The following CNTNAP2 variants were observed in gnomAD, a reference collection of about 807,000 sequenced individuals.
The protein encoded by CNTNAP2 is contactin-associated protein-like 2.
A neutral mutation model predicts 155.2 loss-of-function variants in CNTNAP2; 98 were observed. The ratio of observed to expected loss-of-function variants is 0.63; its 90% confidence interval spans 0.54 to 0.75. The LOEUF is 0.75. Ranked by LOEUF, CNTNAP2 falls within the 30% of genes least tolerant of loss-of-function variation. The pLI, the probability that CNTNAP2 is intolerant of heterozygous loss-of-function variation, is 0.00. For missense variants in CNTNAP2, 1,727 were observed against 1,688.1 expected (o/e 1.02, Z -0.40); for synonymous variants, 651 against 631.2 (o/e 1.03, Z -0.47).
intron 3 of CNTNAP2, among the ~76,000 whole-genome samples, chr7:147,005,663 A>G (rs546859881): frequency 1.3e-5 from 2 of 152,212 alleles, no homozygotes; most frequent in South Asian, 2.1e-4. Flanking sequence ...GATAAATTCT[A>G]TTATGCAGAC....
At chr7:146,461,553 A>T (rs1434908523) in intron 1 of CNTNAP2, among the ~76,000 whole-genome samples, 1 of 152,234 alleles carries the variant, frequency 6.6e-6, no homozygotes, top group Non-Finnish European at 1.5e-5. Flanking sequence ...AATAAATGTG[A>T]TTCTCACAGA....
intron 1 of CNTNAP2, among the ~76,000 whole-genome samples, chr7:146,166,970 A>AAGC (rs966392530): frequency 1.3e-5 from 2 of 152,226 alleles, no homozygotes; most frequent in African/African-American, 4.8e-5. Flanking sequence ...ACATGGAATG[A>AAGC]AGCAGGCTTC....
intron 14 of CNTNAP2, among the ~76,000 whole-genome samples, chr7:147,925,206 G>A (rs142944507): frequency 0.014 from 1,689 of 122,164 alleles, 33 homozygotes; most frequent in African/African-American, 0.045. Context: ...AAGGAAGGAA[G>A]GAAAGAAGGA....
intron 1 of CNTNAP2, among the ~76,000 whole-genome samples, chr7:146,237,821 G>C (rs1288202660): frequency 6.6e-6 from 1 of 150,624 alleles, no homozygotes. Flanking sequence ...AGTAACCCTT[G>C]TTACTAGTTT....
intron 13 of CNTNAP2, among the ~76,000 whole-genome samples, chr7:147,827,328 T>C (rs976115858): frequency 6.6e-6 from 1 of 152,192 alleles, no homozygotes; most frequent in African/African-American, 2.4e-5. Flanking sequence ...TGTGGCTTCA[T>C]GGCCTTGCAA....
intron 13 of CNTNAP2, among the ~76,000 whole-genome samples, chr7:147,740,142 A>G (rs1399830517): frequency 6.6e-6 from 1 of 152,224 alleles, no homozygotes; most frequent in Non-Finnish European, 1.5e-5. Context: ...AGAGAAATAC[A>G]TTAATTAGGT....
At chr7:147,498,392 C>T (rs993448332) in intron 11 of CNTNAP2, among the ~76,000 whole-genome samples, 38 of 152,176 alleles carry the variant, frequency 2.5e-4, no homozygotes, top group African/African-American at 7.5e-4. Context: ...TAAAATGTAC[C>T]ATCAACTCTG....
intron 8 of CNTNAP2, among the ~76,000 whole-genome samples, chr7:147,198,797 T>C (rs1206283829): frequency 3.3e-5 from 5 of 152,132 alleles, no homozygotes; most frequent in African/African-American, 1.2e-4. Flanking sequence ...TATAAATTCA[T>C]TGAAATGTCT....
intron 12 of CNTNAP2, among the ~76,000 whole-genome samples, chr7:147,604,402 T>C (rs1801021850): frequency 6.6e-6 from 1 of 152,200 alleles, no homozygotes; most frequent in African/African-American, 2.4e-5. Flanking sequence ...TTGCAATTGT[T>C]ACTCTTATTC....
chr7:147,478,508 A>G (rs367710492), intron 10 of CNTNAP2, among the ~76,000 whole-genome samples: 129 of 152,240 alleles, frequency 8.5e-4, no homozygotes, highest in African/African-American at 3.1e-3. Context: ...ATCCAGAATT[A>G]TATTTCTCTG....
chr7:147,794,758 A>C (rs1239639518), intron 13 of CNTNAP2, among the ~76,000 whole-genome samples: 1 of 150,840 alleles, frequency 6.6e-6, no homozygotes, highest in Non-Finnish European at 1.5e-5. Flanking sequence ...AAAAACAATT[A>C]ATTCAATCTT....
chr7:147,677,792 T>C (rs763293543), intron 13 of CNTNAP2, among the ~76,000 whole-genome samples: 59 of 151,806 alleles, frequency 3.9e-4, no homozygotes, highest in Non-Finnish European at 7.7e-4. Context: ...CTCCATGGTG[T>C]GTTCATAGTA....
At chr7:146,691,287 C>T (rs1007434064) in intron 1 of CNTNAP2, among the ~76,000 whole-genome samples, 1 of 151,504 alleles carries the variant, frequency 6.6e-6, no homozygotes, top group Admixed American at 6.6e-5. Context: ...AGATGCTCCT[C>T]GATTTACAAT....
chr7:146,158,473 G>A (rs749929375), intron 1 of CNTNAP2, among the ~76,000 whole-genome samples: 1 of 152,134 alleles, frequency 6.6e-6, no homozygotes, highest in East Asian at 1.9e-4. Flanking sequence ...AGAACTCATC[G>A]CAAAGAAGCT....
At chr7:146,629,301 A>T (rs1398166905) in intron 1 of CNTNAP2, among the ~76,000 whole-genome samples, 3 of 152,168 alleles carry the variant, frequency 2.0e-5, no homozygotes, top group African/African-American at 7.2e-5. Context: ...GGCATGAGAA[A>T]TGTAATGTCT....
intron 10 of CNTNAP2, among the ~76,000 whole-genome samples, chr7:147,405,351 G>C (rs1796987656): frequency 6.6e-6 from 1 of 152,022 alleles, no homozygotes; most frequent in Non-Finnish European, 1.5e-5. Context: ...AATTGTTTTT[G>C]TCAATTACTT....
intron 4 of CNTNAP2, among the ~76,000 whole-genome samples, chr7:147,077,395 A>G (rs906340333): frequency 6.6e-6 from 1 of 152,180 alleles, no homozygotes; most frequent in Non-Finnish European, 1.5e-5. Flanking sequence ...TATTTAGTGG[A>G]AACAAAAGAT....
At chr7:148,365,803 T>C (rs200045682) in intron 21 of CNTNAP2, among the ~76,000 whole-genome samples, 19,263 of 54,974 alleles carry the variant, frequency 0.35, 8,312 homozygotes, top group East Asian at 0.68. Flanking sequence ...TACATGCATG[T>C]GTATGCATGT....
intron 4 of CNTNAP2, among the ~76,000 whole-genome samples, chr7:147,101,344 C>T (rs892032463): frequency 3.9e-5 from 6 of 152,172 alleles, no homozygotes; most frequent in Non-Finnish European, 8.8e-5. Flanking sequence ...AAGGGTGTGG[C>T]TCCATTTCTC....
Sources: allele counts gnomAD v4.1 joint callset (sites outside exome capture counted in the v4.1 genomes callset), GRCh38; gene constraint gnomAD v4.1.1; transcripts MANE v1.5; gene names NCBI Gene and HGNC (gene_info 2026-07-23, HGNC 2026-07-21).